KLHDC10: variants seen among roughly 807,000 people sequenced by gnomAD.
KLHDC10 encodes the protein kelch domain-containing protein 10.
In KLHDC10, 24 loss-of-function variants were observed where a neutral mutation model predicts 56.1. The ratio of observed to expected loss-of-function variants is 0.43; its 90% confidence interval spans 0.31 to 0.60. The LOEUF (loss-of-function observed/expected upper bound fraction) is 0.60, where lower values mean the gene tolerates loss of function less well. Ranked by LOEUF, KLHDC10 falls within the 20% of genes least tolerant of loss-of-function variation. The probability of loss-of-function intolerance (pLI) is 0.11; values close to 1 mark genes in which losing one functional copy is unlikely to be tolerated. For missense variants in KLHDC10, 349 were observed against 567.0 expected, an observed-to-expected ratio of 0.62 and a Z score of 3.91; for synonymous variants, 188 against 207.1, an observed-to-expected ratio of 0.91 and a Z score of 0.79.
rs1796019185 is a variant in KLHDC10, at chr7:130,107,169, T to G, written c.254-9276T>G. ...TAACGGCATAACCTTACCAGTGTCC[T>G]CATTAAAGTAAAAAAAACGAGACAA... is the stretch of plus-strand genomic sequence containing the variant. On this transcript the variant is annotated intron_variant, in intron 2 of 9. Transcript: ENST00000335420. Among the ~76,000 whole-genome samples the G allele has an allele frequency of 2.6e-5, 4 of 152,146 alleles. No homozygotes were observed. The South Asian group carries it at 8.3e-4, about 32-fold the overall frequency.
intron 1 of KLHDC10, among the ~76,000 whole-genome samples, chr7:130,088,113 A>G (rs1795717178): frequency 6.6e-6 from 1 of 152,154 alleles, no homozygotes; most frequent in South Asian, 2.1e-4. Flanking sequence ...GATATTAAAA[A>G]TTTGCTAATT....
intron 5 of KLHDC10, among the ~76,000 whole-genome samples, chr7:130,123,936 A>C (rs1290189954): frequency 1.3e-5 from 2 of 152,226 alleles, no homozygotes; most frequent in Non-Finnish European, 1.5e-5. Context: ...TTTTCTGCTA[A>C]ATAAGTATCT....
intron 9 of KLHDC10, 70 bp downstream of exon 9, chr7:130,129,646 C>G: frequency 6.8e-7 from 1 of 1,481,124 alleles, no homozygotes; most frequent in African/African-American, 1.4e-5. Flanking sequence ...GAGATATTAG[C>G]AAGAAAAAAA....
chr7:130,102,719 G>A (rs1028185766), intron 2 of KLHDC10, among the ~76,000 whole-genome samples: 1 of 152,110 alleles, frequency 6.6e-6, no homozygotes, highest in Admixed American at 6.5e-5. Flanking sequence ...CTAGCTATTC[G>A]TGAGGCTGAG....
intron 1 of KLHDC10, among the ~76,000 whole-genome samples, chr7:130,091,389 T>C (rs1488320394): frequency 1.3e-5 from 2 of 152,210 alleles, no homozygotes. Flanking sequence ...TGTTAACTAG[T>C]CTCTCTCATT....
intron 2 of KLHDC10, among the ~76,000 whole-genome samples, chr7:130,115,267 A>C (rs1796151873): frequency 6.6e-6 from 1 of 152,208 alleles, no homozygotes; most frequent in African/African-American, 2.4e-5. Context: ...GTAGCTTCTT[A>C]TTCCATCCAA....
chr7:130,092,529 A>G (rs575958030), intron 1 of KLHDC10, among the ~76,000 whole-genome samples: 1 of 152,256 alleles, frequency 6.6e-6, no homozygotes, highest in South Asian at 2.1e-4. Flanking sequence ...GATGAAGTGT[A>G]CTACTTGCCA....
At position 130,070,666 on chromosome 7, in the gene KLHDC10, ACAG is replaced by A; in HGVS notation, c.24_26del (p.Asp8_Arg9delinsGlu). ...GTCATGTCGGCCGCCCAGGGCTGGG[ACAG>A]GAACCGCCGGAGGGGAGGAGGCGCC... On this transcript the variant is annotated inframe_deletion, in exon 1 of 10. Transcript: ENST00000335420. The A allele has an allele frequency of 7.6e-7, 1 of 1,312,748 alleles. No individual in the cohort carries two copies. Among genetic ancestry groups the A allele is most frequent in the South Asian group, 2.3e-5 (1 of 43,374 alleles). 81.3% of individuals were successfully genotyped at this position (1,312,748 alleles called of 1,614,324 possible).
intron 2 of KLHDC10, among the ~76,000 whole-genome samples, chr7:130,114,884 G>A (rs1563104285): frequency 6.6e-6 from 1 of 151,934 alleles, no homozygotes; most frequent in Admixed American, 6.6e-5. Flanking sequence ...GCAGAGAGAA[G>A]TATGAGAAAC....
At chr7:130,103,059 C>A (rs1459094316) in intron 2 of KLHDC10, among the ~76,000 whole-genome samples, 3 of 152,098 alleles carry the variant, frequency 2.0e-5, no homozygotes, top group African/African-American at 7.2e-5. Context: ...GAGGATAGAT[C>A]TGAGTGATCA....
chr7:130,119,211 A>G (rs1184372706), intron 3 of KLHDC10, among the ~76,000 whole-genome samples: 6 of 127,992 alleles, frequency 4.7e-5, no homozygotes, highest in African/African-American at 7.7e-5. Context: ...CCAACTCAAA[A>G]AAAAAAAAAT....
At chr7:130,122,737 G>A (rs1176664377) in intron 5 of KLHDC10, among the ~76,000 whole-genome samples, 1 of 152,116 alleles carries the variant, frequency 6.6e-6, no homozygotes, top group Admixed American at 6.5e-5. Flanking sequence ...GTACAGATGA[G>A]GCCGCACCGT....
chr7:130,110,711 A>C (rs1450236690), intron 2 of KLHDC10, among the ~76,000 whole-genome samples: 1 of 152,214 alleles, frequency 6.6e-6, no homozygotes, highest in Non-Finnish European at 1.5e-5. Context: ...TTACATTTGG[A>C]AAGAAGTAAC....
intron 1 of KLHDC10, among the ~76,000 whole-genome samples, chr7:130,071,033 A>G (rs1484510205): frequency 1.3e-5 from 2 of 152,136 alleles, no homozygotes; most frequent in Non-Finnish European, 2.9e-5. Context: ...CTGTGCTGAG[A>G]GTTGTGTTTT....
intron 1 of KLHDC10, among the ~76,000 whole-genome samples, chr7:130,087,179 A>G (rs1191529873): frequency 6.6e-6 from 1 of 152,130 alleles, no homozygotes. Context: ...TGTCCTTCCC[A>G]GTTCTTTTTG....
intron 1 of KLHDC10, among the ~76,000 whole-genome samples, chr7:130,076,205 G>T (rs1265926276): frequency 1.3e-5 from 2 of 152,076 alleles, no homozygotes; most frequent in African/African-American, 4.8e-5. Flanking sequence ...GATCTGACAG[G>T]AGGCCAAGCT....
intron 7 of KLHDC10, among the ~76,000 whole-genome samples, chr7:130,127,035 C>T (rs1053441990): frequency 1.3e-5 from 2 of 152,132 alleles, no homozygotes; most frequent in African/African-American, 2.4e-5. Context: ...GCCCAGGAGG[C>T]GGAGGCTGCA....
chr7:130,098,376 G>A (rs554454629), intron 2 of KLHDC10, among the ~76,000 whole-genome samples: 3 of 152,148 alleles, frequency 2.0e-5, no homozygotes, highest in African/African-American at 7.2e-5. Context: ...ACTTATAGTC[G>A]CAGCTACATG....
chr7:130,091,057 T>A (rs367642522), intron 1 of KLHDC10, among the ~76,000 whole-genome samples: 260 of 152,312 alleles, frequency 1.7e-3, no homozygotes, highest in Non-Finnish European at 3.0e-3. Flanking sequence ...AGTTCATGGT[T>A]TTACCACAGG....
Sources: allele counts gnomAD v4.1 joint callset (sites outside exome capture counted in the v4.1 genomes callset), GRCh38; gene constraint gnomAD v4.1.1; transcripts MANE v1.5; gene names NCBI Gene and HGNC (gene_info 2026-07-23, HGNC 2026-07-21).